Variants in TNFRSF11B observed in about 807,000 individuals in gnomAD.
The protein encoded by TNFRSF11B is tumor necrosis factor receptor superfamily member 11B.
TNFRSF11B carries 16 observed loss-of-function variants against 43.4 expected under a neutral mutation model. The ratio of observed to expected loss-of-function variants is 0.37; its 90% CI spans 0.25 to 0.56. The LOEUF (loss-of-function observed/expected upper bound fraction) is 0.56. Among genes scored for constraint, TNFRSF11B ranks in the 20% least tolerant of loss-of-function variants. TNFRSF11B has a pLI of 0.80. For synonymous variants in TNFRSF11B, 185 were observed against 181.8 expected (o/e 1.02, Z -0.14); for missense variants, 444 against 490.1 (o/e 0.91, Z 0.89).
chr8:118,925,359 C>A (rs1346248732), intron 4 of TNFRSF11B, among the ~76,000 whole-genome samples: 1 of 152,176 alleles, frequency 6.6e-6, no homozygotes, highest in Non-Finnish European at 1.5e-5. Context: ...TGACATGAGT[C>A]ACTTAGTATC....
intron 1 of TNFRSF11B, among the ~76,000 whole-genome samples, chr8:118,951,466 G>A (rs535964349): frequency 6.6e-6 from 1 of 152,298 alleles, no homozygotes; most frequent in South Asian, 2.1e-4. Context: ...ACATGAGGGC[G>A]TTAATATTCT....
At chr8:118,948,369 C>CT (rs1812595786) in intron 1 of TNFRSF11B, among the ~76,000 whole-genome samples, 1 of 151,804 alleles carries the variant, frequency 6.6e-6, no homozygotes, top group Non-Finnish European at 1.5e-5. Context: ...GAAAATAATG[C>CT]TTTTTACAAA....
intron 1 of TNFRSF11B, among the ~76,000 whole-genome samples, chr8:118,940,099 A>G (rs564900629): frequency 2.0e-5 from 3 of 152,284 alleles, no homozygotes; most frequent in African/African-American, 7.2e-5. Flanking sequence ...AAAACACCCC[A>G]TGTTCTCACT....
In TNFRSF11B at chr8:118,923,892, G is replaced by A. The variant is rs959687702; in HGVS notation, c.*482C>T. 21 of 152,450 alleles carry A rather than the reference G, an allele frequency of 1.4e-4. No individual in the cohort carries two copies. The highest frequency in any genetic ancestry group is 2.1e-4 in the South Asian group (1 of 4,826). 9.4% of individuals were successfully genotyped at this position (152,450 alleles called of 1,614,324 possible). ...TTTCTTTCTAAAATTAAGTCATACC[G>A]TTTCTTTATAGGATGATAATATGTA... On this transcript the variant is annotated 3_prime_UTR_variant, in exon 5 of 5. Coordinates refer to ENST00000297350, the MANE Select transcript of TNFRSF11B (RefSeq NM_002546.4).
chr8:118,926,775 C>A, intron 3 of TNFRSF11B, 57 bp from the exon 4 acceptor site: 1 of 1,463,394 alleles, frequency 6.8e-7, no homozygotes, highest in South Asian at 1.2e-5. Context: ...TTCTGAGAGT[C>A]TATTCAATAC....
In TNFRSF11B at chr8:118,937,870, A is replaced by C. The variant is rs184333997; in HGVS notation, c.31-4570T>G. Among the ~76,000 whole-genome samples the C allele has an allele frequency of 2.6e-3, 390 of 152,328 alleles. 5 individuals carry two copies. The highest frequency in any genetic ancestry group is 1.1e-3 in the Non-Finnish European group (73 of 68,024). On this transcript the variant is annotated intron_variant, in intron 1 of 4. Coordinates refer to ENST00000297350, the MANE Select transcript of TNFRSF11B (RefSeq NM_002546.4). ...TTGTAAGAAAGGCAGCATGAGACTT[A>C]GCAAACACTGTCTCTAAGAAGGGGT...
intron 1 of TNFRSF11B, among the ~76,000 whole-genome samples, chr8:118,938,874 T>C (rs978702885): frequency 3.3e-5 from 5 of 152,266 alleles, no homozygotes; most frequent in African/African-American, 9.6e-5. Context: ...AATCCCATAC[T>C]ACTGGGCCTG....
chr8:118,932,783 C>A, intron 2 of TNFRSF11B, 148 bp downstream of exon 2: 1 of 1,008,442 alleles, frequency 9.9e-7, no homozygotes, highest in South Asian at 1.5e-5. Context: ...TGGAAGCACT[C>A]CAGACACATA....
chr8:118,946,467 C>A (rs1052856617), intron 1 of TNFRSF11B, among the ~76,000 whole-genome samples: 1 of 152,142 alleles, frequency 6.6e-6, no homozygotes, highest in Non-Finnish European at 1.5e-5. Context: ...CATAAAAACA[C>A]CGTCCTTGTA....
At chr8:118,925,208 A>C (rs1812231513) in intron 4 of TNFRSF11B, among the ~76,000 whole-genome samples, 1 of 152,232 alleles carries the variant, frequency 6.6e-6, no homozygotes, top group Non-Finnish European at 1.5e-5. Flanking sequence ...ACATAGCACC[A>C]GAGGACTACC....
chr8:118,951,768 C>A, intron 1 of TNFRSF11B, 24 bp downstream of exon 1: 1 of 1,581,176 alleles, frequency 6.3e-7, no homozygotes, highest in Non-Finnish European at 8.6e-7. Context: ...CGCCGGGCAC[C>A]CGTCGGCTGG....
At chr8:118,941,401 G>T (rs756104977) in intron 1 of TNFRSF11B, among the ~76,000 whole-genome samples, 2 of 152,140 alleles carry the variant, frequency 1.3e-5, no homozygotes, top group Non-Finnish European at 2.9e-5. Context: ...TTTGCTTCTA[G>T]CCTTTTTCCT....
At chr8:118,948,562 G>A (rs1215414076) in intron 1 of TNFRSF11B, among the ~76,000 whole-genome samples, 1 of 151,728 alleles carries the variant, frequency 6.6e-6, no homozygotes, top group Non-Finnish European at 1.5e-5. Context: ...GGTGCAGAAC[G>A]CTTACTTCCT....
chr8:118,932,632 A>G (rs1250769872), intron 2 of TNFRSF11B, among the ~76,000 whole-genome samples: 2 of 149,974 alleles, frequency 1.3e-5, no homozygotes, highest in Non-Finnish European at 2.9e-5. Context: ...TAGATCAACT[A>G]TCAATAGTGC....
At chr8:118,936,907 T>G (rs759558743) in intron 1 of TNFRSF11B, among the ~76,000 whole-genome samples, 4 of 152,198 alleles carry the variant, frequency 2.6e-5, no homozygotes, top group Non-Finnish European at 5.9e-5. Flanking sequence ...GTTCTTTCTT[T>G]CGTTGTCCTC....
intron 3 of TNFRSF11B, among the ~76,000 whole-genome samples, chr8:118,927,240 A>C (rs6469785): frequency 0.038 from 5,813 of 152,254 alleles, 358 homozygotes; most frequent in African/African-American, 0.13. Flanking sequence ...AAATAACCAA[A>C]CATAAAACTA....
chr8:118,931,157 AAACAGC>A (rs1812323195), intron 2 of TNFRSF11B, among the ~76,000 whole-genome samples: 1 of 152,256 alleles, frequency 6.6e-6, no homozygotes, highest in South Asian at 2.1e-4. Flanking sequence ...TCTGATTTCA[AAACAGC>A]AACAGCAACA....
chr8:118,943,324 A>G (rs1445099073), intron 1 of TNFRSF11B, among the ~76,000 whole-genome samples: 1 of 152,150 alleles, frequency 6.6e-6, no homozygotes. Context: ...GAAAAGAATT[A>G]TGGTAAACAC....
chr8:118,945,488 T>C (rs1812548705), intron 1 of TNFRSF11B, among the ~76,000 whole-genome samples: 1 of 152,140 alleles, frequency 6.6e-6, no homozygotes, highest in South Asian at 2.1e-4. Flanking sequence ...TCATAACTTC[T>C]ATGCATGTTG....
Sources: gnomAD v4.1 joint callset for allele counts (sites outside exome capture counted in the v4.1 genomes callset) on GRCh38, gnomAD v4.1.1 for gene constraint, MANE v1.5 for transcripts, NCBI Gene and HGNC (gene_info 2026-07-23, HGNC 2026-07-21) for gene names.